JKAMP: variants seen among roughly 807,000 people sequenced by gnomAD.
JKAMP encodes the protein JNK1/MAPK8 associated membrane protein.
JKAMP carries 20 observed loss-of-function variants against 40.2 expected under a neutral mutation model. The ratio of observed to expected loss-of-function variants is 0.50; its 90% CI spans 0.35 to 0.72. The LOEUF is 0.72. JKAMP is among the 30% of genes least tolerant of loss of function. The pLI, the probability that JKAMP is intolerant of heterozygous loss-of-function variation, is 0.01. For synonymous variants in JKAMP, 138 were observed against 131.6 expected (o/e 1.05, Z -0.33); for missense variants, 276 against 373.0 (o/e 0.74, Z 2.14).
intron 6 of JKAMP, among the ~76,000 whole-genome samples, chr14:59,502,399 A>C (rs1891948280): frequency 6.6e-6 from 1 of 152,170 alleles, no homozygotes; most frequent in African/African-American, 2.4e-5. Context: ...ATAATTCCTA[A>C]CAGAGAAAAC....
intron 3 of JKAMP, among the ~76,000 whole-genome samples, chr14:59,493,609 AAAAGGTT>A (rs1891200168): frequency 6.6e-6 from 1 of 152,238 alleles, no homozygotes; most frequent in Non-Finnish European, 1.5e-5. Context: ...CAGTTTAATA[AAAAGGTT>A]GACTATAAGA....
chr14:59,501,388 A>C (rs888432694), intron 6 of JKAMP, 121 bp downstream of exon 6: 5 of 620,158 alleles, frequency 8.1e-6, no homozygotes, highest in Non-Finnish European at 1.4e-5. Flanking sequence ...TGGCTGATTG[A>C]TGCCACTTGG....
chr14:59,484,924 A>T, intron 1 of JKAMP: 1 of 1,460,170 alleles, frequency 6.8e-7, no homozygotes, highest in Non-Finnish European at 9.0e-7. Flanking sequence ...GTGATAGTGC[A>T]GAAAAAACAG....
Position 59,484,783 on chromosome 14 carries a change from A to G in JKAMP, c.4+190A>G, listed in dbSNP as rs181375410. On this transcript the variant is annotated intron_variant, in intron 1 of 6. Transcript: ENST00000616435. ...TGGGGTGGTCTGTCCGCAACGGGCTACTAGGGGAGGCGCGCTGTCTGCGGC... is the reference window on the plus strand; with the variant it reads ...TGGGGTGGTCTGTCCGCAACGGGCTGCTAGGGGAGGCGCGCTGTCTGCGGC... The G allele has an allele frequency of 2.4e-3, 2,116 of 899,546 alleles. 34 individuals are homozygous for G. Among genetic ancestry groups the G allele is most frequent in the Non-Finnish European group, 4.3e-4 (260 of 606,248 alleles). 55.7% of individuals were successfully genotyped at this position (899,546 alleles called of 1,614,324 possible). A position where few individuals can be genotyped will look rare whatever the true frequency, so the allele number is the denominator to read the frequency against.
At chr14:59,495,486 G>C (rs1891375688) in intron 4 of JKAMP, among the ~76,000 whole-genome samples, 2 of 151,980 alleles carry the variant, frequency 1.3e-5, no homozygotes. Flanking sequence ...CATATAGGAG[G>C]CACTTTATAG....
intron 5 of JKAMP, among the ~76,000 whole-genome samples, chr14:59,500,428 T>C: frequency 6.6e-6 from 1 of 152,364 alleles, no homozygotes; most frequent in Admixed American, 6.5e-5. Context: ...TAGTGTGTTA[T>C]AAATTTGAAA....
At chr14:59,486,266 TTC>T (rs1311358372) in intron 1 of JKAMP, among the ~76,000 whole-genome samples, 13 of 152,264 alleles carry the variant, frequency 8.5e-5, no homozygotes, top group Admixed American at 2.6e-4. Context: ...TGAAAATGTG[TTC>T]TGTTATGAAC....
intron 4 of JKAMP, among the ~76,000 whole-genome samples, chr14:59,496,779 C>G (rs1891483978): frequency 6.6e-6 from 1 of 152,124 alleles, no homozygotes; most frequent in Non-Finnish European, 1.5e-5. Flanking sequence ...GTTTTTCTTC[C>G]TCAGCACCCT....
At chr14:59,498,000 C>T (rs1891575558) in intron 4 of JKAMP, among the ~76,000 whole-genome samples, 1 of 151,938 alleles carries the variant, frequency 6.6e-6, no homozygotes, top group Non-Finnish European at 1.5e-5. Context: ...AAATAAAGTG[C>T]TAGAAATCTG....
chr14:59,489,515 C>T (rs933280330), intron 3 of JKAMP, among the ~76,000 whole-genome samples: 3 of 152,238 alleles, frequency 2.0e-5, no homozygotes, highest in Non-Finnish European at 2.9e-5. Flanking sequence ...ACTTAAGGCT[C>T]TAAGATGTTC....
intron 6 of JKAMP, among the ~76,000 whole-genome samples, chr14:59,502,641 G>GAAAT (rs1486355770): frequency 6.6e-6 from 1 of 151,868 alleles, no homozygotes; most frequent in African/African-American, 2.4e-5. Context: ...AACCAGCATT[G>GAAAT]AAATATAATT....
At chr14:59,497,294 A>G (rs538630216) in intron 4 of JKAMP, among the ~76,000 whole-genome samples, 1 of 152,234 alleles carries the variant, frequency 6.6e-6, no homozygotes, top group Non-Finnish European at 1.5e-5. Flanking sequence ...TATTACTCTT[A>G]TAGCAGGAAT....
At chr14:59,495,280 T>A (rs1891362831) in intron 4 of JKAMP, 56 bp downstream of exon 4, 13 of 1,339,256 alleles carry the variant, frequency 9.7e-6, no homozygotes, top group Non-Finnish European at 1.4e-5. Flanking sequence ...CTGAGGATTA[T>A]TATAGATTTT....
At chr14:59,503,646 G>T (rs186179960) in intron 6 of JKAMP, among the ~76,000 whole-genome samples, 3 of 152,298 alleles carry the variant, frequency 2.0e-5, no homozygotes, top group African/African-American at 7.2e-5. Flanking sequence ...CCTCTACTGA[G>T]TGCTTATATG....
rs770143831 is a variant in JKAMP at position 59,504,070 on chromosome 14, T to C, written c.934T>C (p.Ter312ArgextTer2). ...RILSEGANGH[*>R] ...ACTCTCAGAAGGAGCCAATGGACACTGAGTGTAGACATGTGAAATGCCAAA... is the reference window on the plus strand; with the variant it reads ...ACTCTCAGAAGGAGCCAATGGACACCGAGTGTAGACATGTGAAATGCCAAA... Residue 312 changes from the stop codon to arginine (R), a stop_lost, in exon 7 of 7, where the codon TGA becomes CGA. Coordinates refer to ENST00000616435, the MANE Select transcript of JKAMP (RefSeq NM_016475.5). 39 of 1,602,506 alleles carry C rather than the reference T, an allele frequency of 2.4e-5. 1 individual carries two copies. Among genetic ancestry groups the C allele is most frequent in the South Asian group, 6.6e-5 (6 of 90,836 alleles).
At chr14:59,485,625 CAGTT>C (rs1254242360) in intron 1 of JKAMP, 1 of 152,716 alleles carries the variant, frequency 6.5e-6, no homozygotes, top group Non-Finnish European at 1.5e-5. Context: ...ATGTAGACCG[CAGTT>C]TGTTTTGAGA....
intron 3 of JKAMP, among the ~76,000 whole-genome samples, chr14:59,492,529 C>T (rs1041717323): frequency 3.9e-5 from 6 of 152,176 alleles, no homozygotes; most frequent in African/African-American, 1.4e-4. Flanking sequence ...GAAAGCCAAA[C>T]CATGGTATCC....
At chr14:59,484,853 C>A in intron 1 of JKAMP, 2 of 1,095,006 alleles carry the variant, frequency 1.8e-6, no homozygotes, top group Non-Finnish European at 2.5e-6. Context: ...TCTCTTCAGT[C>A]CCTTAGTTTA....
intron 3 of JKAMP, 122 bp from the exon 4 acceptor site, chr14:59,494,896 C>G (rs1488276871): frequency 4.5e-6 from 3 of 672,042 alleles, no homozygotes; most frequent in Admixed American, 2.5e-5. Flanking sequence ...AGGTTATACT[C>G]GAGTAGTTTT....
Sources: gnomAD v4.1 joint callset for allele counts (sites outside exome capture counted in the v4.1 genomes callset) on GRCh38, gnomAD v4.1.1 for gene constraint, MANE v1.5 for transcripts, NCBI Gene and HGNC (gene_info 2026-07-23, HGNC 2026-07-21) for gene names.